The following KALRN variants were observed in gnomAD, a reference collection of about 807,000 sequenced individuals.
The protein encoded by KALRN is kalirin.
A neutral mutation model predicts 353.7 loss-of-function variants in KALRN; 70 were observed. That is an observed-to-expected ratio of 0.20 (90% CI 0.16 to 0.24). The LOEUF is 0.24. KALRN is among the 10% of genes least tolerant of loss of function. The probability of loss-of-function intolerance (pLI) is 1.00; values close to 1 mark genes in which losing one functional copy is unlikely to be tolerated. For synonymous variants in KALRN, 1,391 were observed against 1,434.8 expected (o/e 0.97, Z 0.69); for missense variants, 2,791 against 3,756.7 (o/e 0.74, Z 6.72).
intron 51 of KALRN, among the ~76,000 whole-genome samples, chr3:124,688,296 G>A (rs2150547533): frequency 7.1e-6 from 1 of 141,776 alleles, no homozygotes; most frequent in Admixed American, 7.5e-5. Context: ...ATGAGCAACA[G>A]CGTGAGACCC....
At chr3:124,065,396 T>G (rs989032038) in intron 1 of KALRN, among the ~76,000 whole-genome samples, 1 of 152,142 alleles carries the variant, frequency 6.6e-6, no homozygotes, top group African/African-American at 2.4e-5. Context: ...TTAAGAATTA[T>G]TAGTTAATTT....
At chr3:124,398,106 C>T (rs1172432247) in intron 12 of KALRN, among the ~76,000 whole-genome samples, 3 of 152,202 alleles carry the variant, frequency 2.0e-5, no homozygotes, top group African/African-American at 7.2e-5. Flanking sequence ...TTGCAGGCTC[C>T]AGATCCTATG....
At chr3:124,154,614 A>T (rs1320171872) in intron 1 of KALRN, among the ~76,000 whole-genome samples, 1 of 152,252 alleles carries the variant, frequency 6.6e-6, no homozygotes, top group African/African-American at 2.4e-5. Flanking sequence ...ATAAAAGAGG[A>T]TACAAGCAAA....
At chr3:124,092,867 C>A (rs753543426) in intron 1 of KALRN, among the ~76,000 whole-genome samples, 1 of 152,176 alleles carries the variant, frequency 6.6e-6, no homozygotes, top group African/African-American at 2.4e-5. Flanking sequence ...GTACTGGCCA[C>A]ATGTGAGCGA....
rs1230023985 is a variant in KALRN at position 124,395,348 on chromosome 3, G to A, written c.2171+5G>A. On this transcript the variant is annotated splice_donor_5th_base_variant and intron_variant, in intron 12 of 59. Transcript: ENST00000682506. ...CGGGGAGCCCAGCGAGGCCAGGTCA[G>A]CATGGGCAGAGCTTTCCAGTGGGAA... The A allele has an allele frequency of 6.2e-7, 1 of 1,608,330 alleles. No homozygotes were observed. Among genetic ancestry groups the A allele is most frequent in the Non-Finnish European group, 8.5e-7 (1 of 1,177,320 alleles).
Position 124,228,075 on chromosome 3 carries a change from G to C in KALRN, c.148+11G>C, listed in dbSNP as rs1192839290. 3.7e-6 allele frequency: 6 copies of C among 1,607,490 alleles called. No homozygotes were observed. Among genetic ancestry groups the C allele is most frequent in the Non-Finnish European group, 4.3e-6 (5 of 1,174,206 alleles). On this transcript the variant is annotated intron_variant, in intron 2 of 59. Transcript: ENST00000682506. The stretch of plus-strand genomic sequence containing the variant: ...TGGCCTTCGTGTCTGGTGAGTATTT[G>C]TGGGACTTTCTTTTGTAAAGGACCT...
intron 37 of KALRN, among the ~76,000 whole-genome samples, chr3:124,648,727 G>T (rs35303401): frequency 0.11 from 17,130 of 152,158 alleles, 1,043 homozygotes; most frequent in African/African-American, 0.13. Flanking sequence ...AGAAGAGGAA[G>T]TAAAAGGCAT....
intron 34 of KALRN, among the ~76,000 whole-genome samples, chr3:124,568,296 CAAT>C (rs1198153203): frequency 6.6e-6 from 1 of 152,124 alleles, no homozygotes; most frequent in East Asian, 1.9e-4. Flanking sequence ...ATCAAAACAA[CAAT>C]AACATGTCAC....
Position 124,286,087 on chromosome 3 carries a change from CTTTCTTTCTTT to C in KALRN, c.970-12703_970-12693del, listed in dbSNP as rs1560462512. On this transcript the variant is annotated intron_variant, in intron 5 of 59. Transcript: ENST00000682506. The stretch of plus-strand genomic sequence containing the variant: ...TTTTCTTTCTTTCTTTCCTTCCTTT[CTTTCTTTCTTT>C]CTTTCTTTCTTTCTTTCTTTCTTTC... 2.4e-3 allele frequency among the ~76,000 whole-genome samples: 301 copies of C among 124,090 alleles called. 3 individuals carry two copies. The highest frequency in any genetic ancestry group is 7.3e-3 in the African/African-American group (221 of 30,448). 81.4% of individuals were successfully genotyped at this position (124,090 alleles called of 152,430 possible).
chr3:124,497,085 G>C (rs1261321820), intron 33 of KALRN, among the ~76,000 whole-genome samples: 1 of 152,182 alleles, frequency 6.6e-6, no homozygotes, highest in Non-Finnish European at 1.5e-5. Context: ...TAGTAGCTCT[G>C]ATGGGAAAGC....
At chr3:124,046,058 C>A (rs2040450180) in intron 1 of KALRN, among the ~76,000 whole-genome samples, 1 of 152,126 alleles carries the variant, frequency 6.6e-6, no homozygotes. Context: ...GTGTATGTTT[C>A]TTTTGTGAAA....
chr3:124,362,016 AG>A (rs966166528), intron 10 of KALRN, among the ~76,000 whole-genome samples: 2 of 152,026 alleles, frequency 1.3e-5, no homozygotes, highest in African/African-American at 2.4e-5. Flanking sequence ...GACCTCCATG[AG>A]GCAAGTACTT....
At chr3:124,082,075 G>A (rs983861923) in intron 1 of KALRN, among the ~76,000 whole-genome samples, 2 of 152,192 alleles carry the variant, frequency 1.3e-5, no homozygotes, top group Non-Finnish European at 2.9e-5. Context: ...TGTGGTCCAG[G>A]GGTTCTGGGT....
chr3:124,713,781 C>T (rs1340407193), intron 58 of KALRN, among the ~76,000 whole-genome samples: 1 of 152,142 alleles, frequency 6.6e-6, no homozygotes, highest in Non-Finnish European at 1.5e-5. Flanking sequence ...AGAAGTGATA[C>T]AAGTAACAGA....
chr3:124,431,617 A>G (rs995554650), intron 16 of KALRN, among the ~76,000 whole-genome samples: 1 of 152,198 alleles, frequency 6.6e-6, no homozygotes, highest in Non-Finnish European at 1.5e-5. Flanking sequence ...AACTTCAAAG[A>G]CATTCATTAC....
intron 1 of KALRN, among the ~76,000 whole-genome samples, chr3:124,052,867 T>C (rs192972666): frequency 3.3e-4 from 50 of 152,228 alleles, no homozygotes; most frequent in Non-Finnish European, 2.9e-5. Context: ...AGGAATTCAT[T>C]ATCCATAGTG....
At chr3:124,394,983 T>C in intron 11 of KALRN, 152 bp from the exon 12 acceptor site, 1 of 598,238 alleles carries the variant, frequency 1.7e-6, no homozygotes, top group Non-Finnish European at 3.0e-6. Flanking sequence ...AATATAAATG[T>C]AAAAACACAA....
chr3:124,680,107 C>T (rs1380665170), intron 51 of KALRN, among the ~76,000 whole-genome samples: 1 of 152,238 alleles, frequency 6.6e-6, no homozygotes, highest in Non-Finnish European at 1.5e-5. Context: ...CAGCCCAGTG[C>T]TGGGCCCGTG....
intron 1 of KALRN, among the ~76,000 whole-genome samples, chr3:124,187,547 C>A (rs1356002240): frequency 1.3e-5 from 2 of 152,140 alleles, no homozygotes; most frequent in African/African-American, 4.8e-5. Context: ...GTTTCTATTC[C>A]CCTGGAGATT....
Sources: allele counts gnomAD v4.1 joint callset (sites outside exome capture counted in the v4.1 genomes callset), GRCh38; gene constraint gnomAD v4.1.1; transcripts MANE v1.5; gene names NCBI Gene and HGNC (gene_info 2026-07-23, HGNC 2026-07-21).